CHD1L: variants seen among roughly 807,000 people sequenced by gnomAD.
CHD1L encodes ATP-dependent chromatin remodeler CHD1L.
A neutral mutation model predicts 115.9 loss-of-function variants in CHD1L; 118 were observed. The observed-to-expected ratio is 1.02, with a 90% CI of 0.88 to 1.19. The LOEUF (loss-of-function observed/expected upper bound fraction) is 1.19. CHD1L is among the 50% of genes most tolerant of loss of function. The pLI, the probability that CHD1L is intolerant of heterozygous loss-of-function variation, is 0.00. For synonymous variants in CHD1L, 411 were observed against 387.1 expected (o/e 1.06, Z -0.72); for missense variants, 1,179 against 1,065.3 (o/e 1.11, Z -1.49).
the CHD1L span, among the ~76,000 whole-genome samples, chr1:147,234,209 C>A: frequency 7.9e-5 from 12 of 152,330 alleles, no homozygotes; most frequent in African/African-American, 2.6e-4. Context: ...ACAGCGTGGG[C>A]TCCCAGAGCT....
chr1:147,263,455 A>G (rs1672715736), intron 6 of CHD1L, among the ~76,000 whole-genome samples: 1 of 151,658 alleles, frequency 6.6e-6, no homozygotes, highest in Non-Finnish European at 1.5e-5. Flanking sequence ...AGATATACAT[A>G]CACAAGATGT....
chr1:147,268,331 G>C (rs1674777481), intron 9 of CHD1L, among the ~76,000 whole-genome samples: 1 of 152,150 alleles, frequency 6.6e-6, no homozygotes, highest in African/African-American at 2.4e-5. Flanking sequence ...AGTACAGAGG[G>C]CTTGCTGCAG....
the CHD1L span, chr1:147,187,304 A>G: frequency 4.7e-6 from 6 of 1,276,220 alleles, no homozygotes; most frequent in South Asian, 7.1e-5. Context: ...CAGTCAATCA[A>G]TTACTGCCTT....
At chr1:147,268,995 T>C in intron 10 of CHD1L, 117 bp downstream of exon 10, 1 of 643,066 alleles carries the variant, frequency 1.6e-6, no homozygotes, top group South Asian at 1.9e-5. Context: ...TTAACACTGA[T>C]TCAGGTTCTG....
the CHD1L span, among the ~76,000 whole-genome samples, chr1:147,231,501 G>C: frequency 0.041 from 6,215 of 152,214 alleles, 301 homozygotes; most frequent in East Asian, 0.17. Flanking sequence ...GGGGTGGAGA[G>C]TTCTGTAGAT....
At chr1:147,235,087 CTGTGTGTGTGTGTG>C in the CHD1L span, among the ~76,000 whole-genome samples, 6 of 146,174 alleles carry the variant, frequency 4.1e-5, no homozygotes, top group South Asian at 2.3e-4. Flanking sequence ...ATATCCCACA[CTGTGTGTGTGTGTG>C]TGTGTGTGTG....
the CHD1L span, among the ~76,000 whole-genome samples, chr1:147,206,955 G>A: frequency 1.7e-4 from 26 of 151,752 alleles, no homozygotes; most frequent in Non-Finnish European, 3.1e-4. Flanking sequence ...TATATAAAAA[G>A]AGAGATTAAA....
chr1:147,252,309 G>A (rs587703468), intron 1 of CHD1L, among the ~76,000 whole-genome samples: 8 of 152,274 alleles, frequency 5.3e-5, no homozygotes, highest in African/African-American at 1.9e-4. Context: ...TCATTTCCCA[G>A]AATGGACACT....
At chr1:147,253,038 A>G (rs940173471) in intron 2 of CHD1L, among the ~76,000 whole-genome samples, 11 of 152,194 alleles carry the variant, frequency 7.2e-5, no homozygotes, top group Admixed American at 3.3e-4. Context: ...TTGTTTTGCT[A>G]AAATTTTGTT....
At chr1:147,269,933 G>A (rs587621559) in intron 10 of CHD1L, among the ~76,000 whole-genome samples, 18 of 152,232 alleles carry the variant, frequency 1.2e-4, no homozygotes, top group African/African-American at 4.3e-4. Context: ...TATTTCATTG[G>A]TTCTCGTATA....
intron 21 of CHD1L, 138 bp from the exon 22 acceptor site, chr1:147,294,271 T>C: frequency 2.0e-6 from 1 of 500,464 alleles, no homozygotes; most frequent in Admixed American, 3.8e-5. Flanking sequence ...TTACTACAAT[T>C]CTTCCCCCGG....
intron 6 of CHD1L, among the ~76,000 whole-genome samples, chr1:147,263,450 T>C (rs587655120): frequency 6.7e-5 from 10 of 149,694 alleles, no homozygotes; most frequent in South Asian, 2.1e-4. Flanking sequence ...AAAAAAGATA[T>C]ACATACACAA....
the CHD1L span, chr1:147,212,568 T>C: frequency 6.3e-7 from 1 of 1,589,816 alleles, no homozygotes; most frequent in Non-Finnish European, 8.6e-7. Context: ...TATTGGGTAA[T>C]GGTTTACATG....
intron 6 of CHD1L, among the ~76,000 whole-genome samples, chr1:147,264,053 CAG>C (rs1255098124): frequency 6.6e-6 from 1 of 152,138 alleles, no homozygotes; most frequent in African/African-American, 2.4e-5. Flanking sequence ...CATTGTGTCT[CAG>C]ATACCTCAGT....
chr1:147,195,165 C>G, the CHD1L span, among the ~76,000 whole-genome samples: 1 of 152,160 alleles, frequency 6.6e-6, no homozygotes, highest in Non-Finnish European at 1.5e-5. Flanking sequence ...TAGATTTGGT[C>G]TTTTCACATA....
chr1:147,272,209 G>C lies in CHD1L; in HGVS notation c.1198G>C (p.Glu400Gln). Residue 400 changes from glutamate (E) to glutamine (Q), a missense_variant, in exon 12 of 23, where the codon GAA (glutamate) becomes CAA (glutamine). Physicochemically the swap from Glu to Gln is conservative, Grantham distance 29 (BLOSUM62 2). Coordinates refer to ENST00000369258, the MANE Select transcript of CHD1L (RefSeq NM_004284.6). ...YERVDGSVRG[E>Q]ERHLAIKNFG... ...GCGTGTGGATGGTTCTGTGAGAGGA[G>C]AAGAGAGACACTTGGCCATTAAGAA... is the stretch of plus-strand genomic sequence containing the variant. The C allele has an allele frequency of 6.2e-7, 1 of 1,614,172 alleles. No homozygotes were observed. The highest frequency in any genetic ancestry group is 8.5e-7 in the Non-Finnish European group (1 of 1,180,006).
chr1:147,192,436 A>G, the CHD1L span, among the ~76,000 whole-genome samples: 2 of 152,136 alleles, frequency 1.3e-5, no homozygotes, highest in South Asian at 4.1e-4. Flanking sequence ...TTTTCTAGAT[A>G]TACAATCATG....
the CHD1L span, chr1:147,178,887 G>A: frequency 5.7e-6 from 9 of 1,572,632 alleles, no homozygotes; most frequent in Non-Finnish European, 7.9e-6. Flanking sequence ...TACAGGGCAA[G>A]GACTTACTTA....
rs1678422803 is a variant in CHD1L at position 147,276,259 on chromosome 1, TATG to T, written c.1539+5_1539+7del. 3.7e-6 allele frequency: 6 copies of T among 1,613,932 alleles called. No homozygotes were observed. Among genetic ancestry groups the T allele is most frequent in the East Asian group, 2.2e-5 (1 of 44,894 alleles). Reference sequence around the variant, plus strand: ...CCCGCTGCCGATGCTGACCTCCAGGTATGATATGATATACTGTTCTTCACTTTG... The same window carrying T: ...CCCGCTGCCGATGCTGACCTCCAGGTATATGATATACTGTTCTTCACTTTG... On this transcript the variant is annotated splice_donor_5th_base_variant and intron_variant, in intron 14 of 22. Coordinates refer to ENST00000369258, the MANE Select transcript of CHD1L (RefSeq NM_004284.6).
Sources: gnomAD v4.1 joint callset for allele counts (sites outside exome capture counted in the v4.1 genomes callset) on GRCh38, gnomAD v4.1.1 for gene constraint, MANE v1.5 for transcripts, NCBI Gene and HGNC (gene_info 2026-07-23, HGNC 2026-07-21) for gene names.